The following DMC1 variants were observed in gnomAD, a reference collection of about 807,000 sequenced individuals.
DMC1 encodes the protein DNA meiotic recombinase 1.
DMC1 carries 27 observed loss-of-function variants against 50.1 expected under a neutral mutation model. The observed-to-expected ratio is 0.54, with a 90% CI of 0.40 to 0.74. DMC1 has a LOEUF of 0.74. Among genes scored for constraint, DMC1 ranks in the 30% least tolerant of loss-of-function variants. DMC1 has a pLI of 0.00. For synonymous variants in DMC1, 148 were observed against 136.1 expected, an observed-to-expected ratio of 1.09 and a Z score of -0.61; for missense variants, 295 against 420.2, an observed-to-expected ratio of 0.70 and a Z score of 2.60.
At chr22:38,520,547 G>A (rs1346564813) in intron 13 of DMC1, among the ~76,000 whole-genome samples, 7 of 151,990 alleles carry the variant, frequency 4.6e-5, no homozygotes, top group Non-Finnish European at 8.8e-5. Flanking sequence ...TAGTAGAGAC[G>A]GGGTTTCACC....
At chr22:38,544,151 C>A (rs1459396641) in intron 8 of DMC1, among the ~76,000 whole-genome samples, 3 of 152,132 alleles carry the variant, frequency 2.0e-5, no homozygotes, top group African/African-American at 7.2e-5. Context: ...GGAAAAAAAT[C>A]TAATAATCTT....
chr22:38,552,533 C>T (rs2090423691), intron 7 of DMC1, 133 bp downstream of exon 7: 3 of 735,324 alleles, frequency 4.1e-6, no homozygotes, highest in African/African-American at 1.8e-5. Context: ...GGGCAGTTTA[C>T]TTAATCTGCC....
At position 38,562,225 on chromosome 22, in the gene DMC1, G is replaced by C. The variant is rs1481053856; in HGVS notation, c.326+62C>G. 4 of 1,101,940 alleles carry C rather than the reference G, an allele frequency of 3.6e-6. No homozygotes were observed. In the African/African-American group the frequency reaches 6.3e-5, roughly 17 times the overall value. The allele number at this position is 1,101,940 out of a possible 1,614,324, so 68.3% of individuals were successfully genotyped here. On this transcript the variant is annotated intron_variant, in intron 5 of 13. Coordinates refer to ENST00000216024, the MANE Select transcript of DMC1 (RefSeq NM_007068.4). ...CTTATAGTAGAAGTAACCAGAAAGA[G>C]GAAAAGAAACATGGTATTCCAAAGA...
intron 12 of DMC1, among the ~76,000 whole-genome samples, chr22:38,522,560 C>A (rs1021738061): frequency 6.6e-6 from 1 of 151,490 alleles, no homozygotes; most frequent in Admixed American, 6.6e-5. Context: ...GACTCCTTCT[C>A]AAAAAACAAA....
intron 5 of DMC1, among the ~76,000 whole-genome samples, chr22:38,558,706 C>T (rs1039641960): frequency 6.6e-6 from 1 of 151,972 alleles, no homozygotes; most frequent in African/African-American, 2.4e-5. Flanking sequence ...CACAGCAAGA[C>T]TCTGTCTCAA....
the DMC1 span, among the ~76,000 whole-genome samples, chr22:38,509,662 CT>C: frequency 2.0e-5 from 3 of 151,738 alleles, no homozygotes; most frequent in East Asian, 1.9e-4. Context: ...GCCTATGTAG[CT>C]TTTTTTGTTT....
intron 4 of DMC1, among the ~76,000 whole-genome samples, chr22:38,566,349 G>T (rs988242527): frequency 6.6e-6 from 1 of 151,584 alleles, no homozygotes; most frequent in Non-Finnish European, 1.5e-5. Flanking sequence ...GAGACAAAAA[G>T]TTTTGGCAAA....
intron 12 of DMC1, among the ~76,000 whole-genome samples, chr22:38,522,780 G>T (rs1380645437): frequency 6.6e-6 from 1 of 152,140 alleles, no homozygotes; most frequent in African/African-American, 2.4e-5. Flanking sequence ...CTTCAGGCTT[G>T]GTATAGCAAG....
At chr22:38,553,497 CAAA>C (rs372645739) in intron 6 of DMC1, among the ~76,000 whole-genome samples, 3 of 46,986 alleles carry the variant, frequency 6.4e-5, no homozygotes, top group Admixed American at 2.3e-4. Context: ...GACTCCGTCT[CAAA>C]AAAAAAAAAA....
intron 13 of DMC1, among the ~76,000 whole-genome samples, chr22:38,520,923 C>T (rs190368782): frequency 1.7e-4 from 26 of 149,854 alleles, no homozygotes; most frequent in Admixed American, 4.0e-4. Context: ...GTCGCCCGGG[C>T]TGGAGTGCAG....
chr22:38,553,316 G>A (rs2090433284), intron 6 of DMC1, among the ~76,000 whole-genome samples: 1 of 148,494 alleles, frequency 6.7e-6, no homozygotes, highest in South Asian at 2.1e-4. Flanking sequence ...GGCTAACACT[G>A]TGTAACCCCA....
At chr22:38,523,602 G>A (rs1400953780) in intron 12 of DMC1, among the ~76,000 whole-genome samples, 3 of 152,182 alleles carry the variant, frequency 2.0e-5, no homozygotes. Context: ...ACTATATTGT[G>A]TTTAGTTCTG....
downstream of DMC1, among the ~76,000 whole-genome samples, chr22:38,515,110 C>T (rs1209069023): frequency 6.7e-6 from 1 of 149,056 alleles, no homozygotes; most frequent in Non-Finnish European, 1.5e-5. Context: ...TCGTGATCTG[C>T]CCACCTCAGC....
At chr22:38,514,601 AC>A (rs979392803), downstream of DMC1, among the ~76,000 whole-genome samples, 23 of 152,254 alleles carry the variant, frequency 1.5e-4, no homozygotes, top group Admixed American at 1.4e-3. Flanking sequence ...TGCTGATAAA[AC>A]AGGATAGGTA....
chr22:38,559,185 A>G (rs1026095216), intron 5 of DMC1, among the ~76,000 whole-genome samples: 1 of 151,742 alleles, frequency 6.6e-6, no homozygotes, highest in African/African-American at 2.4e-5. Context: ...ACATGCCACC[A>G]TGCCCGGCTA....
At chr22:38,539,518 T>C (rs1250587044) in intron 8 of DMC1, 106 bp from the exon 9 acceptor site, 8 of 879,938 alleles carry the variant, frequency 9.1e-6, no homozygotes, top group South Asian at 2.8e-5. Flanking sequence ...AGCCAAACAA[T>C]GTACCTGTGA....
chr22:38,566,143 G>A (rs1401083265), intron 4 of DMC1, among the ~76,000 whole-genome samples: 1 of 151,988 alleles, frequency 6.6e-6, no homozygotes, highest in Non-Finnish European at 1.5e-5. Flanking sequence ...GCGTGGTGCT[G>A]TGTGCCTGTA....
At chr22:38,511,305 G>A in the DMC1 span, among the ~76,000 whole-genome samples, 10 of 150,212 alleles carry the variant, frequency 6.7e-5, no homozygotes, top group East Asian at 2.0e-4. Flanking sequence ...GGAGGCTGGC[G>A]CTGTGGCTCA....
At chr22:38,509,536 G>C in the DMC1 span, among the ~76,000 whole-genome samples, 1 of 152,164 alleles carries the variant, frequency 6.6e-6, no homozygotes, top group African/African-American at 2.4e-5. Flanking sequence ...CCTTTGTCCT[G>C]TGCTTGTGAT....
Sources: allele counts gnomAD v4.1 joint callset (sites outside exome capture counted in the v4.1 genomes callset), GRCh38; gene constraint gnomAD v4.1.1; transcripts MANE v1.5; gene names NCBI Gene and HGNC (gene_info 2026-07-23, HGNC 2026-07-21).